Variants in CA2 observed in about 807,000 individuals in gnomAD.
CA2 encodes the protein carbonic anhydrase 2.
A neutral mutation model predicts 27.8 loss-of-function variants in CA2; 23 were observed. The ratio of observed to expected loss-of-function variants is 0.83; its 90% CI spans 0.59 to 1.17. CA2 has a LOEUF of 1.17. Among genes scored for constraint, CA2 ranks in the 50% most tolerant of loss-of-function variants. CA2 has a pLI of 0.00. For missense variants in CA2, 300 were observed against 314.7 expected (o/e 0.95, Z 0.35); for synonymous variants, 99 against 114.9 (o/e 0.86, Z 0.88).
rs747254596 is a variant in CA2 at position 85,473,822 on chromosome 8, CT to C, written c.351+21del. ...AAATATGCTGCAGAAGTAAGATATA[CT>C]TTTTTTTTTCTTTCCAGGGAAAAAT... On this transcript the variant is annotated intron_variant, in intron 3 of 6. Coordinates refer to ENST00000285379, the MANE Select transcript of CA2 (RefSeq NM_000067.3). The C allele has an allele frequency of 1.2e-3, 1,536 of 1,284,944 alleles. No individual in the cohort carries two copies. The highest frequency in any genetic ancestry group is 1.5e-3 in the Non-Finnish European group (1,318 of 897,338). The allele number at this position is 1,284,944 out of a possible 1,614,324, so 79.6% of individuals were successfully genotyped here.
At chr8:85,474,477 T>C (rs1019618222) in intron 4 of CA2, 61 bp downstream of exon 4, 1 of 1,198,208 alleles carries the variant, frequency 8.3e-7, no homozygotes, top group African/African-American at 1.5e-5. Flanking sequence ...CCAGACAGAG[T>C]ATTTGTAACA....
At chr8:85,474,189 G>A (rs1246105044) in intron 3 of CA2, 135 bp from the exon 4 acceptor site, 22 of 764,148 alleles carry the variant, frequency 2.9e-5, no homozygotes, top group Non-Finnish European at 4.7e-5. Context: ...AAAATGAAAG[G>A]AAAATTTTGA....
At chr8:85,477,305 G>T in intron 6 of CA2, 30 bp downstream of exon 6, 1 of 1,613,678 alleles carries the variant, frequency 6.2e-7, no homozygotes, top group Non-Finnish European at 8.5e-7. Flanking sequence ...GTCTGTTTAC[G>T]GGTGGAGCAT....
intron 2 of CA2, among the ~76,000 whole-genome samples, chr8:85,473,013 T>A (rs1164438008): frequency 7.6e-5 from 1 of 13,136 alleles, no homozygotes; most frequent in African/African-American, 1.8e-4. Flanking sequence ...ATAATAATAA[T>A]AAATAAATAA....
intron 6 of CA2, among the ~76,000 whole-genome samples, chr8:85,477,651 A>G (rs1408098274): frequency 6.6e-6 from 1 of 152,064 alleles, no homozygotes; most frequent in African/African-American, 2.4e-5. Flanking sequence ...ACTCACTCAC[A>G]TAAGGGCTTT....
chr8:85,466,809 C>T lies in CA2; in HGVS notation c.232+1340C>T, dbSNP rs563004407. 3.9e-5 allele frequency among the ~76,000 whole-genome samples: 6 copies of T among 152,280 alleles called. No homozygotes were observed. The East Asian group carries it at 5.8e-4, about 15-fold the overall frequency. ...CGGTGATTCTGCTACATTGCTTTCC[C>T]AAGCATTCCTCTCACTCCAAAGGAA... On this transcript the variant is annotated intron_variant, in intron 2 of 6. Transcript: ENST00000285379.
chr8:85,477,089 A>G, intron 5 of CA2, 31 bp from the exon 6 acceptor site: 1 of 1,612,406 alleles, frequency 6.2e-7, no homozygotes, highest in South Asian at 1.1e-5. Flanking sequence ...TCAATGTGAT[A>G]GTTTGAAGCT....
intron 2 of CA2, 200 bp from the exon 3 acceptor site, chr8:85,473,493 T>C: frequency 1.5e-6 from 1 of 680,284 alleles, no homozygotes; most frequent in Non-Finnish European, 2.7e-6. Context: ...TTCAGCACCG[T>C]AGACTAAACT....
rs143344938 is a variant in CA2 at position 85,480,079 on chromosome 8, G to A, written c.664-591G>A. Among the ~76,000 whole-genome samples, 20 of 152,138 alleles carry A rather than the reference G, an allele frequency of 1.3e-4. 1 individual carries two copies. The highest frequency in any genetic ancestry group is 4.8e-4 in the African/African-American group (20 of 41,504). ...TTGATGTTAGATTTTTAAATTAGAA[G>A]GTCACTGAAAATTTCCCTTAAAAAT... On this transcript the variant is annotated intron_variant, in intron 6 of 6. Transcript: ENST00000285379.
At chr8:85,467,808 A>C (rs1811650756) in intron 2 of CA2, among the ~76,000 whole-genome samples, 1 of 152,206 alleles carries the variant, frequency 6.6e-6, no homozygotes. Flanking sequence ...CAATGCATAC[A>C]TTTTTAAAGA....
intron 2 of CA2, among the ~76,000 whole-genome samples, chr8:85,472,841 A>C (rs1811729587): frequency 1.3e-5 from 2 of 151,840 alleles, no homozygotes. Context: ...AAATACAAAA[A>C]TTAACTGGAC....
intron 6 of CA2, 84 bp from the exon 7 acceptor site, chr8:85,480,586 G>A (rs767368067): frequency 5.7e-6 from 8 of 1,396,596 alleles, no homozygotes; most frequent in Non-Finnish European, 7.1e-6. Flanking sequence ...CCTGGCCGGG[G>A]AATGTATTTA....
At chr8:85,465,206 T>C (rs1396108250) in intron 1 of CA2, 66 bp from the exon 2 acceptor site, 1 of 1,309,490 alleles carries the variant, frequency 7.6e-7, no homozygotes, top group African/African-American at 1.5e-5. Context: ...GAATGATTGC[T>C]CTTCTCTAGG....
At chr8:85,465,503 C>G (rs763398277) in intron 2 of CA2, 34 bp downstream of exon 2, 2 of 1,554,368 alleles carry the variant, frequency 1.3e-6, no homozygotes, top group South Asian at 2.3e-5. Context: ...TGTCTTTTAG[C>G]CAGTAGCTGT....
At chr8:85,465,104 G>A (rs1476058385) in intron 1 of CA2, among the ~76,000 whole-genome samples, 168 bp from the exon 2 acceptor site, 4 of 152,228 alleles carry the variant, frequency 2.6e-5, no homozygotes, top group Admixed American at 6.5e-5. Flanking sequence ...TATTACAAAT[G>A]TGGAAACTGA....
intron 6 of CA2, among the ~76,000 whole-genome samples, chr8:85,477,613 G>A (rs182783206): frequency 2.1e-3 from 325 of 151,168 alleles, no homozygotes; most frequent in Non-Finnish European, 3.7e-3. Flanking sequence ...TCAAGGTTAC[G>A]CAGGTATCAG....
intron 6 of CA2, 114 bp downstream of exon 6, chr8:85,477,389 G>A: frequency 8.3e-7 from 1 of 1,206,636 alleles, no homozygotes; most frequent in Non-Finnish European, 1.2e-6. Context: ...GCTACTTCTT[G>A]CTATGGAAAT....
rs1811759536 is a variant in CA2, at chr8:85,474,426, T to C, written c.444+10T>C. On this transcript the variant is annotated intron_variant, in intron 4 of 6. Transcript: ENST00000285379. ...AGGTATTTTTTTGAAGGTTAGTTGA[T>C]GACCCAATTCTTTTTTTTCCCTATT... 3.2e-6 allele frequency: 5 copies of C among 1,585,248 alleles called. No individual in the cohort carries two copies. In the African/African-American group the frequency reaches 4.0e-5, roughly 13 times the overall value.
chr8:85,470,854 A>G (rs980564566), intron 2 of CA2, among the ~76,000 whole-genome samples: 4 of 152,058 alleles, frequency 2.6e-5, no homozygotes, highest in East Asian at 3.8e-4. Context: ...AACTGTATTT[A>G]TGTCTCCATC....
Sources: allele counts gnomAD v4.1 joint callset (sites outside exome capture counted in the v4.1 genomes callset), GRCh38; gene constraint gnomAD v4.1.1; transcripts MANE v1.5; gene names NCBI Gene and HGNC (gene_info 2026-07-23, HGNC 2026-07-21).